MYO5A: variants seen among roughly 807,000 people sequenced by gnomAD.
MYO5A encodes unconventional myosin-Va.
MYO5A carries 98 observed loss-of-function variants against 249.7 expected under a neutral mutation model. The ratio of observed to expected loss-of-function variants is 0.39; its 90% CI spans 0.33 to 0.46. MYO5A has a LOEUF of 0.46. Ranked by LOEUF, MYO5A falls within the 20% of genes least tolerant of loss-of-function variation. The pLI, the probability that MYO5A is intolerant of heterozygous loss-of-function variation, is 0.98. For synonymous variants in MYO5A, 778 were observed against 810.6 expected, an observed-to-expected ratio of 0.96 and a Z score of 0.68; for missense variants, 1,696 against 2,308.8, an observed-to-expected ratio of 0.73 and a Z score of 5.44.
chr15:52,331,637 T>C, intron 34 of MYO5A: 1 of 982,034 alleles, frequency 1.0e-6, no homozygotes, highest in Non-Finnish European at 1.2e-6. Context: ...CTGGGTAATT[T>C]CCTGGGTTAG....
intron 15 of MYO5A, among the ~76,000 whole-genome samples, 164 bp from the exon 16 acceptor site, chr15:52,383,352 G>C (rs1374393419): frequency 1.3e-5 from 2 of 152,142 alleles, no homozygotes; most frequent in African/African-American, 4.8e-5. Flanking sequence ...AAGAATGCTA[G>C]GGCTTTTGGT....
intron 1 of MYO5A, among the ~76,000 whole-genome samples, chr15:52,509,009 T>A (rs1281781984): frequency 6.6e-6 from 1 of 152,018 alleles, no homozygotes. Context: ...TCTTGCTCTA[T>A]CACCCAGGCT....
In MYO5A at chr15:52,410,376, T is replaced by C; in HGVS notation, c.713A>G (p.Asn238Ser). 1.2e-6 allele frequency: 2 copies of C among 1,613,946 alleles called. No homozygotes were observed. Among genetic ancestry groups the C allele is most frequent in the Non-Finnish European group, 1.7e-6 (2 of 1,179,828 alleles). Residue 238 changes from asparagine to serine, a missense_variant, in exon 6 of 42, where the codon AAT becomes AGT. Coordinates refer to ENST00000399233, the MANE Select transcript of MYO5A (RefSeq NM_001382347.1). ...TTTCTCTAAAAGATAAGTTCTCATA[T>C]TGGCACCAATGATTCGATATCTCTT... is the stretch of plus-strand genomic sequence containing the variant. ...FDKRYRIIGA[N>S]MRTYLLEKSR...
intron 2 of MYO5A, among the ~76,000 whole-genome samples, chr15:52,429,140 C>A (rs1199601195): frequency 6.6e-6 from 1 of 152,166 alleles, no homozygotes; most frequent in African/African-American, 2.4e-5. Context: ...AAATTACGTG[C>A]AACAACTCTG....
intron 35 of MYO5A, 121 bp from the exon 36 acceptor site, chr15:52,328,127 T>C (rs1258012602): frequency 3.7e-6 from 3 of 812,900 alleles, no homozygotes; most frequent in Admixed American, 2.5e-5. Flanking sequence ...GTAGGTAATA[T>C]AAAAAGTGTA....
chr15:52,360,678 C>T (rs766321281), intron 24 of MYO5A, among the ~76,000 whole-genome samples: 2 of 152,030 alleles, frequency 1.3e-5, no homozygotes, highest in Admixed American at 6.6e-5. Context: ...GAAGAGCCCT[C>T]GGTTATTACC....
chr15:52,502,838 C>T (rs1446126717), intron 1 of MYO5A, among the ~76,000 whole-genome samples: 1 of 152,188 alleles, frequency 6.6e-6, no homozygotes, highest in Non-Finnish European at 1.5e-5. Flanking sequence ...GCAAACGATA[C>T]AAATTTAAGT....
At chr15:52,493,176 G>A (rs1328204824) in intron 1 of MYO5A, among the ~76,000 whole-genome samples, 7 of 152,136 alleles carry the variant, frequency 4.6e-5, no homozygotes, top group Non-Finnish European at 8.8e-5. Context: ...TCTCAGAGCC[G>A]GAAGTTTGAG....
chr15:52,472,895 TG>T (rs2076506686), intron 1 of MYO5A, among the ~76,000 whole-genome samples: 1 of 152,250 alleles, frequency 6.6e-6, no homozygotes, highest in African/African-American at 2.4e-5. Context: ...TATAATCCTT[TG>T]GGTATATACC....
intron 1 of MYO5A, among the ~76,000 whole-genome samples, chr15:52,447,114 T>C (rs2075908582): frequency 6.6e-6 from 1 of 152,180 alleles, no homozygotes; most frequent in Non-Finnish European, 1.5e-5. Flanking sequence ...TGATATGGTT[T>C]GGATATTGGT....
intron 24 of MYO5A, among the ~76,000 whole-genome samples, chr15:52,360,990 G>C (rs994906175): frequency 6.6e-6 from 1 of 152,150 alleles, no homozygotes; most frequent in African/African-American, 2.4e-5. Flanking sequence ...CCAGCTGCTG[G>C]AAAAGAGCTA....
chr15:52,354,086 C>T (rs2040086605), intron 25 of MYO5A, 72 bp from the exon 26 acceptor site: 2 of 1,570,476 alleles, frequency 1.3e-6, no homozygotes, highest in Non-Finnish European at 8.7e-7. Flanking sequence ...AAATGACAAA[C>T]AGCTCAATGG....
intron 1 of MYO5A, among the ~76,000 whole-genome samples, chr15:52,460,134 C>T (rs2076215254): frequency 6.6e-6 from 1 of 151,638 alleles, no homozygotes; most frequent in Non-Finnish European, 1.5e-5. Flanking sequence ...GGGATGACGG[C>T]CGGGAAGAGG....
Position 52,488,780 on chromosome 15 carries a change from T to C in MYO5A, c.27+40000A>G, listed in dbSNP as rs114550906. Among the ~76,000 whole-genome samples, 329 of 152,300 alleles carry C rather than the reference T, an allele frequency of 2.2e-3. 1 individual carries two copies. Among genetic ancestry groups the C allele is most frequent in the African/African-American group, 7.6e-3 (314 of 41,568 alleles). On this transcript the variant is annotated intron_variant, in intron 1 of 41. Transcript: ENST00000399233. ...ATTTGTTTTACTCTTCTCCTTACTT[T>C]GTGAATGTTTCAAAAACTTTTCAAA...
chr15:52,452,223 A>T (rs1043558788), intron 1 of MYO5A, among the ~76,000 whole-genome samples: 19 of 152,126 alleles, frequency 1.2e-4, no homozygotes, highest in African/African-American at 3.9e-4. Flanking sequence ...TCCCAGGGCC[A>T]CAGAGAAGTA....
chr15:52,443,269 G>A (rs1445703549), intron 1 of MYO5A, among the ~76,000 whole-genome samples: 1 of 152,188 alleles, frequency 6.6e-6, no homozygotes, highest in South Asian at 2.1e-4. Context: ...TACCAAAAAT[G>A]AGGTTAGTCA....
intron 30 of MYO5A, among the ~76,000 whole-genome samples, 198 bp from the exon 31 acceptor site, chr15:52,343,395 A>C (rs1246118279): frequency 6.6e-6 from 1 of 152,236 alleles, no homozygotes; most frequent in Non-Finnish European, 1.5e-5. Context: ...ATCACATGTA[A>C]ATGGATAGAA....
At chr15:52,447,219 T>C (rs1224908524) in intron 1 of MYO5A, among the ~76,000 whole-genome samples, 2 of 152,082 alleles carry the variant, frequency 1.3e-5, no homozygotes, top group African/African-American at 2.4e-5. Flanking sequence ...CCTCATGGCT[T>C]GGTGCTGTCT....
intron 15 of MYO5A, 80 bp downstream of exon 15, chr15:52,384,081 G>C: frequency 1.9e-6 from 3 of 1,567,058 alleles, no homozygotes; most frequent in African/African-American, 1.4e-5. Context: ...ATCCCACCTG[G>C]GAGGCTGAAG....
Sources: gnomAD v4.1 joint callset for allele counts (sites outside exome capture counted in the v4.1 genomes callset) on GRCh38, gnomAD v4.1.1 for gene constraint, MANE v1.5 for transcripts, NCBI Gene and HGNC (gene_info 2026-07-23, HGNC 2026-07-21) for gene names.